Variants in HS2ST1 observed in about 807,000 individuals in gnomAD.
HS2ST1 encodes 2-O-sulfotransferase.
In HS2ST1, 18 loss-of-function variants were observed where a neutral mutation model predicts 42.9. That is an observed-to-expected ratio of 0.42 (90% CI 0.29 to 0.62). The LOEUF is 0.62. Among genes scored for constraint, HS2ST1 ranks in the 20% least tolerant of loss-of-function variants. HS2ST1 has a pLI of 0.21. For missense variants in HS2ST1, 334 were observed against 433.8 expected (o/e 0.77, Z 2.04); for synonymous variants, 146 against 152.9 (o/e 0.95, Z 0.33).
intron 6 of HS2ST1, 36 bp from the exon 7 acceptor site, chr1:87,104,434 T>C: frequency 1.5e-6 from 2 of 1,349,224 alleles, no homozygotes; most frequent in Non-Finnish European, 2.1e-6. Context: ...CTCCAAGAAT[T>C]ATTTACCTTT....
At position 87,108,784 on chromosome 1, in the gene HS2ST1, G is replaced by C. The variant is rs1298898265; in HGVS notation, c.*4088G>C. ...ACTGTTAAGCCTGTGTTGAGACATTGATGCTGTCTATCTCATTTTTTAGAC... is the reference window on the plus strand; with the variant it reads ...ACTGTTAAGCCTGTGTTGAGACATTCATGCTGTCTATCTCATTTTTTAGAC... On this transcript the variant is annotated 3_prime_UTR_variant, in exon 7 of 7. Coordinates refer to ENST00000370550, the MANE Select transcript of HS2ST1 (RefSeq NM_012262.4). 4.6e-5 allele frequency: 7 copies of C among 152,444 alleles called. No homozygotes were observed. The highest frequency in any genetic ancestry group is 3.3e-4 in the Admixed American group (5 of 15,256). The allele number at this position is 152,444 out of a possible 1,614,324, so 9.4% of individuals were successfully genotyped here. A position where few individuals can be genotyped will look rare whatever the true frequency, so the allele number is the denominator to read the frequency against.
intron 1 of HS2ST1, among the ~76,000 whole-genome samples, chr1:87,016,159 G>T (rs1355179715): frequency 1.3e-5 from 2 of 152,148 alleles, no homozygotes; most frequent in African/African-American, 4.8e-5. Flanking sequence ...TCGTGTTGTT[G>T]TGTGTTTGCT....
intron 1 of HS2ST1, among the ~76,000 whole-genome samples, chr1:86,964,611 A>G (rs1570451177): frequency 6.6e-6 from 1 of 152,252 alleles, no homozygotes; most frequent in African/African-American, 2.4e-5. Context: ...TCGGCTCGGC[A>G]TCAGAGGGAG....
At chr1:87,061,039 CAT>C (rs766382547) in intron 1 of HS2ST1, among the ~76,000 whole-genome samples, 1 of 151,884 alleles carries the variant, frequency 6.6e-6, no homozygotes, top group African/African-American at 2.4e-5. Flanking sequence ...TAAGGATTAA[CAT>C]ATATTTAATG....
At chr1:87,099,592 C>G (rs1652151767) in intron 5 of HS2ST1, among the ~76,000 whole-genome samples, 1 of 152,176 alleles carries the variant, frequency 6.6e-6, no homozygotes, top group Non-Finnish European at 1.5e-5. Context: ...GAACAAACAT[C>G]CAAACCATAT....
rs943882927 is a variant in HS2ST1, at chr1:87,109,161, A to G, written c.*4465A>G. 3 of 152,548 alleles carry G rather than the reference A, an allele frequency of 2.0e-5. No homozygotes were observed. In the Admixed American group the frequency reaches 2.0e-4, roughly 10 times the overall value. The allele number at this position is 152,548 out of a possible 1,614,324, so 9.4% of individuals were successfully genotyped here. On this transcript the variant is annotated 3_prime_UTR_variant, in exon 7 of 7. Transcript: ENST00000370550. ...TTGACTACCTGATGCAAAAGCTATA[A>G]AATAAACAGTGGGAAGGGGAAAAAT...
At chr1:87,002,252 T>A (rs1246381741) in intron 1 of HS2ST1, among the ~76,000 whole-genome samples, 1 of 152,138 alleles carries the variant, frequency 6.6e-6, no homozygotes, top group Non-Finnish European at 1.5e-5. Context: ...CTCTAAATTT[T>A]TTGGTAGGTG....
chr1:87,063,441 A>T (rs553420037), intron 1 of HS2ST1, among the ~76,000 whole-genome samples: 53 of 152,124 alleles, frequency 3.5e-4, no homozygotes, highest in African/African-American at 1.2e-3. Context: ...GGTTCAAGTG[A>T]TTCTCCTGCC....
At chr1:87,023,703 T>C (rs1650009509) in intron 1 of HS2ST1, among the ~76,000 whole-genome samples, 1 of 152,138 alleles carries the variant, frequency 6.6e-6, no homozygotes, top group East Asian at 1.9e-4. Flanking sequence ...ATATATTGAA[T>C]GGGATAGATG....
intron 1 of HS2ST1, among the ~76,000 whole-genome samples, chr1:86,987,569 C>G (rs949918232): frequency 6.6e-6 from 1 of 152,134 alleles, no homozygotes; most frequent in African/African-American, 2.4e-5. Context: ...TCAGGTAGCT[C>G]CTACCCCAGG....
At chr1:86,966,611 C>G (rs984766786) in intron 1 of HS2ST1, among the ~76,000 whole-genome samples, 7 of 152,154 alleles carry the variant, frequency 4.6e-5, no homozygotes, top group African/African-American at 1.7e-4. Flanking sequence ...TTGTAATCAT[C>G]CTGTTTTGTT....
Position 87,052,950 on chromosome 1 carries a change from A to T in HS2ST1, c.125-19984A>T, listed in dbSNP as rs114841364. 9.6e-4 allele frequency among the ~76,000 whole-genome samples: 147 copies of T among 152,344 alleles called. 1 individual carries two copies. The highest frequency in any genetic ancestry group is 3.4e-3 in the African/African-American group (143 of 41,582). Reference sequence around the variant, plus strand: ...TGGCAAATTCTTAGTCCTTGGAATTAGTAGCTAGGGAATGTGGGAAGGCAG... The same window carrying T: ...TGGCAAATTCTTAGTCCTTGGAATTTGTAGCTAGGGAATGTGGGAAGGCAG... On this transcript the variant is annotated intron_variant, in intron 1 of 6. Transcript: ENST00000370550.
At chr1:87,066,931 T>A (rs1434159265) in intron 1 of HS2ST1, among the ~76,000 whole-genome samples, 1 of 152,210 alleles carries the variant, frequency 6.6e-6, no homozygotes, top group African/African-American at 2.4e-5. Context: ...TAGTATTCCA[T>A]GGTGTATATG....
intron 1 of HS2ST1, among the ~76,000 whole-genome samples, chr1:86,983,444 A>G (rs1295515971): frequency 1.3e-5 from 2 of 152,086 alleles, no homozygotes; most frequent in Non-Finnish European, 2.9e-5. Flanking sequence ...CTTTTTAACT[A>G]TCAGATCTTG....
At chr1:86,946,791 CT>C (rs1463610648) in intron 1 of HS2ST1, among the ~76,000 whole-genome samples, 1 of 152,174 alleles carries the variant, frequency 6.6e-6, no homozygotes, top group African/African-American at 2.4e-5. Flanking sequence ...TAAAGCTATC[CT>C]TTCCACTGTT....
intron 1 of HS2ST1, among the ~76,000 whole-genome samples, chr1:86,939,569 A>G (rs1324783388): frequency 6.6e-6 from 1 of 152,206 alleles, no homozygotes. Flanking sequence ...GGCTACATGT[A>G]GGAATCATGT....
At chr1:87,039,761 G>T (rs560288468) in intron 1 of HS2ST1, among the ~76,000 whole-genome samples, 2 of 152,204 alleles carry the variant, frequency 1.3e-5, no homozygotes, top group South Asian at 4.1e-4. Context: ...TTTAAAGTTT[G>T]ACCAATAGTA....
intron 1 of HS2ST1, among the ~76,000 whole-genome samples, chr1:87,028,269 A>G (rs530638409): frequency 6.6e-6 from 1 of 152,316 alleles, no homozygotes; most frequent in African/African-American, 2.4e-5. Context: ...GTGCCAAGAA[A>G]CTCAAATCCT....
intron 1 of HS2ST1, among the ~76,000 whole-genome samples, chr1:86,941,390 C>T (rs1366026890): frequency 6.6e-6 from 1 of 152,018 alleles, no homozygotes; most frequent in Non-Finnish European, 1.5e-5. Context: ...GCAATTATAC[C>T]ATTTTCTCCC....
Sources: allele counts gnomAD v4.1 joint callset (sites outside exome capture counted in the v4.1 genomes callset), GRCh38; gene constraint gnomAD v4.1.1; transcripts MANE v1.5; gene names NCBI Gene and HGNC (gene_info 2026-07-23, HGNC 2026-07-21).